The following ZZEF1 variants were observed in gnomAD, a reference collection of about 807,000 sequenced individuals.
The protein encoded by ZZEF1 is zinc finger ZZ-type and EF-hand domain-containing protein 1.
Under a neutral mutation model 342.8 loss-of-function variants are expected in ZZEF1, and 157 were observed. That is an observed-to-expected ratio of 0.46 (90% CI 0.40 to 0.52). The LOEUF is 0.52. ZZEF1 is among the 20% of genes least tolerant of loss of function. The pLI, the probability that ZZEF1 is intolerant of heterozygous loss-of-function variation, is 0.00. For missense variants in ZZEF1, 3,480 were observed against 3,725.6 expected (o/e 0.93, Z 1.72); for synonymous variants, 1,505 against 1,429.1 (o/e 1.05, Z -1.20).
chr17:4,059,306 A>C lies in ZZEF1; in HGVS notation c.4884-16T>G. 1 of 1,589,466 alleles carries C rather than the reference A, an allele frequency of 6.3e-7. No individual in the cohort carries two copies. The highest frequency in any genetic ancestry group is 2.0e-5 in the Admixed American group (1 of 51,078). ...TCCAAAATAACTAGAAACAGAGGAA[A>C]TCACTGATTCACTTAATTGCCAGAA... On this transcript the variant is annotated splice_polypyrimidine_tract_variant and intron_variant, in intron 30 of 54. Transcript: ENST00000381638.
chr17:4,064,760 C>T lies in ZZEF1; in HGVS notation c.4319G>A (p.Ser1440Asn), dbSNP rs765698523. The change falls in exon 29 of 55, where the codon AGC becomes AAC. Residue 1440 changes from serine to asparagine, a missense_variant. Ser to Asn is a conservative substitution (Grantham distance 46). This residue lies in a region of ZZEF1 where 1,528 missense variants were observed against 1,624.1 expected (regional missense o/e 0.94). Coordinates refer to ENST00000381638, the MANE Select transcript of ZZEF1 (RefSeq NM_015113.4). ...FLPTGISSKESCEKLETADET... is the reference protein window; with the variant it reads ...FLPTGISSKENCEKLETADET... ...ATCAGCAGTCTCCAACTTTTCGCAG[C>T]TTTCTTTTGAACTTATGCCCGTGGG... 30 of 1,612,616 alleles carry T rather than the reference C, an allele frequency of 1.9e-5. No individual in the cohort carries two copies. The Middle Eastern group carries it at 4.9e-4, about 27-fold the overall frequency.
intron 37 of ZZEF1, among the ~76,000 whole-genome samples, chr17:4,049,093 A>G (rs2056990156): frequency 6.6e-6 from 1 of 152,174 alleles, no homozygotes; most frequent in African/African-American, 2.4e-5. Flanking sequence ...GTTAACACAG[A>G]TATGGAACTT....
chr17:4,010,145 G>A (rs1196218322), intron 52 of ZZEF1, among the ~76,000 whole-genome samples: 2 of 151,602 alleles, frequency 1.3e-5, no homozygotes, highest in Non-Finnish European at 2.9e-5. Context: ...GAAATAAAGC[G>A]AGACCCTGTC....
chr17:4,087,352 T>C (rs1860132088), intron 14 of ZZEF1, 82 bp downstream of exon 14: 2 of 1,163,216 alleles, frequency 1.7e-6, no homozygotes, highest in Non-Finnish European at 2.5e-6. Flanking sequence ...AAAAAAAAAT[T>C]AGGAAAAAAA....
At chr17:4,013,657 T>C (rs1356319400) in intron 51 of ZZEF1, 43 bp from the exon 52 acceptor site, 1 of 1,545,498 alleles carries the variant, frequency 6.5e-7, no homozygotes, top group Non-Finnish European at 8.7e-7. Flanking sequence ...CAGAGATACG[T>C]AATAAGTAAT....
At chr17:4,010,008 G>A (rs992615243) in intron 52 of ZZEF1, among the ~76,000 whole-genome samples, 1 of 152,102 alleles carries the variant, frequency 6.6e-6, no homozygotes, top group Non-Finnish European at 1.5e-5. Context: ...GTGCTCACGG[G>A]GATTACTGTG....
At chr17:4,045,988 C>G (rs546683137) in intron 37 of ZZEF1, among the ~76,000 whole-genome samples, 18 of 152,184 alleles carry the variant, frequency 1.2e-4, no homozygotes, top group African/African-American at 3.4e-4. Context: ...CCACCACACC[C>G]AGCTAATTTT....
intron 2 of ZZEF1, 80 bp from the exon 3 acceptor site, chr17:4,117,246 A>C (rs1338034364): frequency 9.1e-7 from 1 of 1,099,286 alleles, no homozygotes; most frequent in Non-Finnish European, 1.3e-6. Flanking sequence ...GCCTATCTGA[A>C]TTGGCTAAAT....
At chr17:4,099,821 C>A (rs1019971707) in intron 9 of ZZEF1, among the ~76,000 whole-genome samples, 3 of 152,092 alleles carry the variant, frequency 2.0e-5, no homozygotes, top group African/African-American at 7.2e-5. Flanking sequence ...GCTGGGATTA[C>A]AGGTGTGAGC....
chr17:4,056,210 T>C lies in ZZEF1; in HGVS notation c.5295+6A>G, dbSNP rs1428426320. 6.3e-7 allele frequency: 1 copy of C among 1,575,834 alleles called. No individual in the cohort carries two copies. The highest frequency in any genetic ancestry group is 8.6e-7 in the Non-Finnish European group (1 of 1,160,814). On this transcript the variant is annotated splice_donor_region_variant and intron_variant, in intron 33 of 54. Coordinates refer to ENST00000381638, the MANE Select transcript of ZZEF1 (RefSeq NM_015113.4). ...ACTTCAGAGTACTCTAGTTGAGAGG[T>C]CTTACTTTCCTCTGCTTCTCTGGAT... is the stretch of plus-strand genomic sequence containing the variant.
chr17:4,058,231 G>A (rs2145200848), intron 31 of ZZEF1, 76 bp from the exon 32 acceptor site: 2 of 1,467,258 alleles, frequency 1.4e-6, no homozygotes, highest in East Asian at 5.0e-5. Context: ...TCAAGTAGGT[G>A]ACCTGGTTTG....
At chr17:4,055,721 G>A (rs1327340453) in intron 33 of ZZEF1, among the ~76,000 whole-genome samples, 6 of 152,274 alleles carry the variant, frequency 3.9e-5, no homozygotes, top group Non-Finnish European at 8.8e-5. Context: ...CTAGTTCTAC[G>A]GCAGGGAGCC....
chr17:4,118,850 T>C (rs2058439377), intron 2 of ZZEF1, among the ~76,000 whole-genome samples: 1 of 152,236 alleles, frequency 6.6e-6, no homozygotes, highest in Non-Finnish European at 1.5e-5. Flanking sequence ...TCCCACCCCC[T>C]GGCACACAAA....
At chr17:4,128,731 G>A (rs1034759503) in intron 1 of ZZEF1, among the ~76,000 whole-genome samples, 1 of 150,994 alleles carries the variant, frequency 6.6e-6, no homozygotes, top group Non-Finnish European at 1.5e-5. Context: ...CAAAGTGCTG[G>A]GATTAAAGGC....
intron 39 of ZZEF1, among the ~76,000 whole-genome samples, chr17:4,037,236 C>G (rs956644250): frequency 4.6e-5 from 7 of 152,142 alleles, no homozygotes; most frequent in Non-Finnish European, 8.8e-5. Flanking sequence ...TTACTAATAA[C>G]AAAAGTGGAA....
At chr17:4,054,766 G>T (rs564667579) in intron 33 of ZZEF1, among the ~76,000 whole-genome samples, 32 of 152,318 alleles carry the variant, frequency 2.1e-4, no homozygotes, top group African/African-American at 7.2e-4. Flanking sequence ...GTGCTCTTCT[G>T]GAAGTTGAGG....
rs754985234 is a variant in ZZEF1, at chr17:4,024,186, G to GTT, written c.7092+731_7092+732dup. Among the ~76,000 whole-genome samples, 247 of 94,404 alleles carry GTT rather than the reference G, an allele frequency of 2.6e-3. 23 individuals are homozygous for GTT. Among genetic ancestry groups the GTT allele is most frequent in the East Asian group, 0.011 (32 of 3,034 alleles). 61.9% of individuals were successfully genotyped at this position (94,404 alleles called of 152,430 possible). On this transcript the variant is annotated intron_variant, in intron 43 of 54. Transcript: ENST00000381638. ...CATCTCCATGCCAAATATTGCCCAG[G>GTT]TTTTTTTTTTTTTTTTTTTTTTTTT... is the stretch of plus-strand genomic sequence containing the variant.
chr17:4,074,017 C>T (rs981362183), intron 24 of ZZEF1, 133 bp downstream of exon 24: 15 of 1,022,734 alleles, frequency 1.5e-5, no homozygotes, highest in East Asian at 4.9e-5. Flanking sequence ...TTTATTCTTT[C>T]GGTTTAAAGG....
At chr17:4,114,547 C>T (rs1030869811) in intron 3 of ZZEF1, 77 bp from the exon 4 acceptor site, 1 of 1,207,860 alleles carries the variant, frequency 8.3e-7, no homozygotes, top group Non-Finnish European at 1.1e-6. Flanking sequence ...AAATATCTAA[C>T]AGAAATACGC....
Sources: gnomAD v4.1 joint callset for allele counts (sites outside exome capture counted in the v4.1 genomes callset) on GRCh38, gnomAD v4.1.1 for gene constraint, gnomAD v4.1.1 regional missense constraint, MANE v1.5 for transcripts, NCBI Gene and HGNC (gene_info 2026-07-23, HGNC 2026-07-21) for gene names.